Variants in ASCC1 observed in about 807,000 individuals in gnomAD.
ASCC1 encodes activating signal cointegrator 1 complex subunit 1.
ASCC1 carries 35 observed loss-of-function variants against 46.6 expected under a neutral mutation model. The observed-to-expected ratio is 0.75, with a 90% CI of 0.57 to 0.99. The LOEUF is 0.99. Among genes scored for constraint, ASCC1 ranks in the 50% least tolerant of loss-of-function variants. The probability of loss-of-function intolerance (pLI) is 0.00; values close to 1 mark genes in which losing one functional copy is unlikely to be tolerated. For missense variants in ASCC1, 376 were observed against 428.7 expected (o/e 0.88, Z 1.09); for synonymous variants, 143 against 146.6 (o/e 0.98, Z 0.18).
intron 9 of ASCC1, among the ~76,000 whole-genome samples, chr10:72,126,482 G>A (rs1031459120): frequency 3.9e-5 from 6 of 152,172 alleles, no homozygotes; most frequent in Admixed American, 3.9e-4. Context: ...AAATTCTATA[G>A]CAAGGTAAGA....
At chr10:72,215,252 A>G (rs968356707) in intron 1 of ASCC1, among the ~76,000 whole-genome samples, 1 of 152,190 alleles carries the variant, frequency 6.6e-6, no homozygotes, top group Non-Finnish European at 1.5e-5. Flanking sequence ...TACAGAAAGT[A>G]GCCGGGTGTG....
chr10:72,200,474 C>T (rs1323959773), intron 4 of ASCC1, among the ~76,000 whole-genome samples: 1 of 151,836 alleles, frequency 6.6e-6, no homozygotes, highest in African/African-American at 2.4e-5. Flanking sequence ...CATGGAGAAA[C>T]CCCATCTCTA....
intron 9 of ASCC1, among the ~76,000 whole-genome samples, chr10:72,112,100 G>A (rs1008745900): frequency 1.1e-4 from 16 of 152,252 alleles, no homozygotes; most frequent in South Asian, 1.0e-3. Context: ...ATTTGGTCTG[G>A]TCTCTAACAA....
At chr10:72,124,031 T>A (rs1328213862) in intron 9 of ASCC1, among the ~76,000 whole-genome samples, 1 of 152,246 alleles carries the variant, frequency 6.6e-6, no homozygotes, top group Non-Finnish European at 1.5e-5. Context: ...CATTGAAATT[T>A]ATTCATTATA....
intron 6 of ASCC1, among the ~76,000 whole-genome samples, chr10:72,156,531 G>C (rs1848985162): frequency 6.6e-6 from 1 of 152,206 alleles, no homozygotes; most frequent in Non-Finnish European, 1.5e-5. Flanking sequence ...GGGAGGCTAA[G>C]GCGGGTGGAT....
At chr10:72,165,496 C>A (rs1850228315) in intron 5 of ASCC1, among the ~76,000 whole-genome samples, 1 of 152,202 alleles carries the variant, frequency 6.6e-6, no homozygotes, top group Admixed American at 6.5e-5. Flanking sequence ...ATAATCAGGT[C>A]TCTGGCCTGA....
rs954370851 is a variant in ASCC1 at position 72,123,779 on chromosome 10, C to T, written c.957+4303G>A. ...GTGTTTAAGAAGTTAATTGTGCTTTCGTTCCCTTAGGACAGACTGACTAAA... is the reference window on the plus strand; with the variant it reads ...GTGTTTAAGAAGTTAATTGTGCTTTTGTTCCCTTAGGACAGACTGACTAAA... On this transcript the variant is annotated intron_variant, in intron 9 of 9. Transcript: ENST00000672957. 2.6e-5 allele frequency among the ~76,000 whole-genome samples: 4 copies of T among 152,152 alleles called. No individual in the cohort carries two copies. The East Asian group carries it at 5.8e-4, about 22-fold the overall frequency.
At chr10:72,210,891 C>T (rs928161245) in intron 2 of ASCC1, 60 bp from the exon 3 acceptor site, 13 of 1,530,856 alleles carry the variant, frequency 8.5e-6, no homozygotes, top group African/African-American at 6.8e-5. Context: ...CAACAGCTTT[C>T]GCCTCAGCTG....
At chr10:72,128,957 T>C in intron 8 of ASCC1, among the ~76,000 whole-genome samples, 1 of 152,212 alleles carries the variant, frequency 6.6e-6, no homozygotes, top group East Asian at 1.9e-4. Context: ...TTCTGAAATA[T>C]TAATCATTTC....
At chr10:72,185,686 G>A (rs904786713) in intron 5 of ASCC1, among the ~76,000 whole-genome samples, 6 of 152,096 alleles carry the variant, frequency 3.9e-5, no homozygotes, top group Admixed American at 1.3e-4. Flanking sequence ...AACTGCAGAG[G>A]AAAGAAATAT....
At chr10:72,186,949 G>GA (rs58308871) in intron 5 of ASCC1, among the ~76,000 whole-genome samples, 2,854 of 101,052 alleles carry the variant, frequency 0.028, 28 homozygotes, top group South Asian at 0.063. Flanking sequence ...CACATGCCCA[G>GA]AAAAAAAAAA....
intron 9 of ASCC1, among the ~76,000 whole-genome samples, chr10:72,115,159 C>T (rs1057145036): frequency 7.2e-5 from 11 of 152,124 alleles, no homozygotes; most frequent in African/African-American, 2.7e-4. Flanking sequence ...AAAAAATATC[C>T]CCTCTGGCAA....
In ASCC1 at chr10:72,102,932, A is replaced by G. The variant is rs1200488447; in HGVS notation, c.958-5482T>C. 6 of 441,650 alleles carry G rather than the reference A, an allele frequency of 1.4e-5. No individual in the cohort carries two copies. The Admixed American group carries it at 1.5e-4, about 11-fold the overall frequency. 27.4% of individuals were successfully genotyped at this position (441,650 alleles called of 1,614,324 possible). A position where few individuals can be genotyped will look rare whatever the true frequency, so the allele number is the denominator to read the frequency against. On this transcript the variant is annotated intron_variant, in intron 9 of 9. Coordinates refer to ENST00000672957, the MANE Select transcript of ASCC1 (RefSeq NM_001198800.3). ...ACAGGTTGCAGTGAGCGGAGATTGC[A>G]TCATTGTACTCCAGCCTGGGCAACA...
Position 72,096,153 on chromosome 10 carries a change from A to AC in ASCC1, c.*1180_*1181insG, listed in dbSNP as rs1491384064. On this transcript the variant is annotated 3_prime_UTR_variant, in exon 10 of 10. Transcript: ENST00000672957. ...GTTCAGAAGTGCAGTTAAAGAATAT[A>AC]AAGAGAGAAAGAATCAAGGCAAGAA... The AC allele has an allele frequency of 1.1e-5, 5 of 454,060 alleles. No homozygotes were observed. Among genetic ancestry groups the AC allele is most frequent in the African/African-American group, 1.0e-4 (5 of 50,026 alleles). 28.1% of individuals were successfully genotyped at this position (454,060 alleles called of 1,614,324 possible). A position where few individuals can be genotyped will look rare whatever the true frequency, so the allele number is the denominator to read the frequency against.
chr10:72,203,347 C>T, intron 4 of ASCC1, 80 bp downstream of exon 4: 1 of 1,010,622 alleles, frequency 9.9e-7, no homozygotes, highest in Non-Finnish European at 1.6e-6. Flanking sequence ...AACATAGTTA[C>T]TAAACACTGC....
chr10:72,149,476 T>C (rs1033702843), intron 7 of ASCC1, among the ~76,000 whole-genome samples: 2 of 145,204 alleles, frequency 1.4e-5, no homozygotes, highest in African/African-American at 5.7e-5. Context: ...TGTTGTTGTG[T>C]TATTTTTTAA....
intron 7 of ASCC1, among the ~76,000 whole-genome samples, chr10:72,141,251 G>C (rs995994627): frequency 6.6e-6 from 1 of 152,110 alleles, no homozygotes; most frequent in African/African-American, 2.4e-5. Flanking sequence ...TTTTGAGATA[G>C]AAGTCAGTAT....
At chr10:72,109,121 T>C (rs951046801) in intron 9 of ASCC1, among the ~76,000 whole-genome samples, 2 of 152,052 alleles carry the variant, frequency 1.3e-5, no homozygotes, top group African/African-American at 4.8e-5. Context: ...TAATAGCCAA[T>C]AAAAGAGAGG....
At chr10:72,111,803 G>A (rs564885226) in intron 9 of ASCC1, among the ~76,000 whole-genome samples, 8 of 152,074 alleles carry the variant, frequency 5.3e-5, no homozygotes, top group South Asian at 4.2e-4. Context: ...CACCACGCCC[G>A]GCTAATTTTT....
Sources: allele counts gnomAD v4.1 joint callset (sites outside exome capture counted in the v4.1 genomes callset), GRCh38; gene constraint gnomAD v4.1.1; transcripts MANE v1.5; gene names NCBI Gene and HGNC (gene_info 2026-07-23, HGNC 2026-07-21).